Variants in ING5 observed in about 807,000 individuals in gnomAD.
The protein encoded by ING5 is inhibitor of growth family member 5, also known as inhibitor of growth protein 5.
A neutral mutation model predicts 37.4 loss-of-function variants in ING5; 17 were observed. The observed-to-expected ratio is 0.45, with a 90% CI of 0.31 to 0.68. The LOEUF is 0.68. Among genes scored for constraint, ING5 ranks in the 30% least tolerant of loss-of-function variants. ING5 has a pLI of 0.05. For synonymous variants in ING5, 123 were observed against 116.6 expected, an observed-to-expected ratio of 1.06 and a Z score of -0.36; for missense variants, 233 against 311.9, an observed-to-expected ratio of 0.75 and a Z score of 1.91.
At position 241,725,775 on chromosome 2, in the gene ING5, G is replaced by C. The variant is rs1691597440; in HGVS notation, c.*744G>C. The stretch of plus-strand genomic sequence containing the variant: ...TGATGCTCCGTTTCTCTGGGAATTG[G>C]TGATTTTTTACTGTGAAGATGAAAT... On this transcript the variant is annotated 3_prime_UTR_variant, in exon 8 of 8. Coordinates refer to ENST00000313552, the MANE Select transcript of ING5 (RefSeq NM_032329.6). 6.6e-6 allele frequency: 1 copy of C among 152,624 alleles called. No homozygotes were observed. Among genetic ancestry groups the C allele is most frequent in the Non-Finnish European group, 1.5e-5 (1 of 68,044 alleles). 9.5% of individuals were successfully genotyped at this position (152,624 alleles called of 1,614,324 possible). A position where few individuals can be genotyped will look rare whatever the true frequency, so the allele number is the denominator to read the frequency against.
chr2:241,695,945 A>G (rs796652061), intron 2 of ING5, among the ~76,000 whole-genome samples: 6 of 152,280 alleles, frequency 3.9e-5, no homozygotes, highest in African/African-American at 1.4e-4. Context: ...CTAAAAATGT[A>G]AGACAGGCTG....
Position 241,725,101 on chromosome 2 carries a change from T to A in ING5, c.*70T>A. On this transcript the variant is annotated 3_prime_UTR_variant, in exon 8 of 8. Coordinates refer to ENST00000313552, the MANE Select transcript of ING5 (RefSeq NM_032329.6). ...TTCATTCGTGTCGCAATATTTCCCT[T>A]CCTTTTAAAACTACCTTGTTCGGTT... 2.6e-6 allele frequency: 4 copies of A among 1,523,404 alleles called. No homozygotes were observed. The South Asian group carries it at 4.5e-5, about 17-fold the overall frequency. 94.4% of individuals were successfully genotyped at this position (1,523,404 alleles called of 1,614,324 possible).
upstream of ING5, among the ~76,000 whole-genome samples, chr2:241,698,496 A>T (rs1464137317): frequency 2.7e-5 from 4 of 147,422 alleles, no homozygotes; most frequent in Admixed American, 6.8e-5. Flanking sequence ...ATAATAGAGG[A>T]GTGTGTGTGT....
Position 241,727,354 on chromosome 2 carries a change from C to T in ING5, c.*2323C>T, listed in dbSNP as rs2124963281. The stretch of plus-strand genomic sequence containing the variant: ...TTTGAAACGGAGTTTTGCTCTGTCA[C>T]CCAGGCTGGAATGCAATGGCACCAT... On this transcript the variant is annotated 3_prime_UTR_variant, in exon 8 of 8. Coordinates refer to ENST00000313552, the MANE Select transcript of ING5 (RefSeq NM_032329.6). 1 of 152,322 alleles carries T rather than the reference C, an allele frequency of 6.6e-6. No individual in the cohort carries two copies. The highest frequency in any genetic ancestry group is 6.5e-5 in the Admixed American group (1 of 15,290). 9.4% of individuals were successfully genotyped at this position (152,322 alleles called of 1,614,324 possible).
intron 5 of ING5, among the ~76,000 whole-genome samples, chr2:241,718,089 C>T (rs181737864): frequency 1.5e-4 from 22 of 150,948 alleles, no homozygotes; most frequent in East Asian, 4.0e-4. Context: ...CTCCGCTCAC[C>T]GCAGCCTCTG....
At chr2:241,720,054 C>A in intron 5 of ING5, 1 of 1,241,328 alleles carries the variant, frequency 8.1e-7, no homozygotes, top group Non-Finnish European at 1.0e-6. Flanking sequence ...CTCTGACGTC[C>A]AAGGCGCCAA....
At chr2:241,722,442 G>A (rs921936119) in intron 5 of ING5, 1 of 985,252 alleles carries the variant, frequency 1.0e-6, no homozygotes, top group Non-Finnish European at 1.2e-6. Context: ...GGCCTCCTGG[G>A]GGCCCTCTGT....
intron 3 of ING5, among the ~76,000 whole-genome samples, chr2:241,710,587 C>T (rs981385886): frequency 3.9e-5 from 6 of 152,244 alleles, no homozygotes; most frequent in Admixed American, 2.0e-4. Flanking sequence ...TGGGTTCAAG[C>T]GATTCTCCGG....
intron 2 of ING5, among the ~76,000 whole-genome samples, chr2:241,705,120 T>C (rs2069863242): frequency 6.6e-6 from 1 of 152,272 alleles, no homozygotes; most frequent in South Asian, 2.1e-4. Context: ...TGTCGCCCAG[T>C]CCGGAGTGCA....
At chr2:241,723,722 G>T in intron 7 of ING5, 1 of 1,586,006 alleles carries the variant, frequency 6.3e-7, no homozygotes, top group Non-Finnish European at 8.6e-7. Context: ...AGTGGAGAAG[G>T]GTGTGTTTTC....
chr2:241,725,074 C>T lies in ING5; in HGVS notation c.*43C>T. The T allele has an allele frequency of 1.3e-6, 2 of 1,595,154 alleles. No homozygotes were observed. Among genetic ancestry groups the T allele is most frequent in the Non-Finnish European group, 1.7e-6 (2 of 1,162,716 alleles). On this transcript the variant is annotated 3_prime_UTR_variant, in exon 8 of 8. Transcript: ENST00000313552. ...GATCCGAGGAGCAAGTTAATCTGTC[C>T]CTTCATTCGTGTCGCAATATTTCCC... is the stretch of plus-strand genomic sequence containing the variant.
At chr2:241,691,366 G>A (rs1459557986) in intron 2 of ING5, among the ~76,000 whole-genome samples, 1 of 152,040 alleles carries the variant, frequency 6.6e-6, no homozygotes, top group African/African-American at 2.4e-5. Flanking sequence ...TTGAACCTGG[G>A]AGGTGGAGGT....
At chr2:241,714,626 C>G (rs766475034) in intron 5 of ING5, among the ~76,000 whole-genome samples, 1 of 150,764 alleles carries the variant, frequency 6.6e-6, no homozygotes, top group African/African-American at 2.4e-5. Context: ...AGGGCAGGGT[C>G]TAGCTGTGTC....
chr2:241,722,894 T>G, intron 5 of ING5, 45 bp from the exon 6 acceptor site: 1 of 1,609,270 alleles, frequency 6.2e-7, no homozygotes, highest in Non-Finnish European at 8.5e-7. Flanking sequence ...GCCGCCTCAC[T>G]TCCCACCATG....
chr2:241,710,815 G>C (rs2070086260), intron 3 of ING5, among the ~76,000 whole-genome samples: 1 of 152,096 alleles, frequency 6.6e-6, no homozygotes, highest in Non-Finnish European at 1.5e-5. Flanking sequence ...GTTTTGCCAT[G>C]TTGGCCAGGC....
chr2:241,692,985 G>T (rs1277247143), intron 2 of ING5, among the ~76,000 whole-genome samples: 1 of 152,146 alleles, frequency 6.6e-6, no homozygotes, highest in Non-Finnish European at 1.5e-5. Flanking sequence ...CCTTGGCCAG[G>T]TGCGTTGGCT....
chr2:241,722,035 C>A (rs1004414937), intron 5 of ING5: 1 of 985,216 alleles, frequency 1.0e-6, no homozygotes, highest in Non-Finnish European at 1.2e-6. Context: ...GGGTGGTGGG[C>A]GGTCCAGGGA....
chr2:241,704,601 A>G (rs368531906), intron 1 of ING5, 52 bp from the exon 2 acceptor site: 9 of 1,460,528 alleles, frequency 6.2e-6, no homozygotes, highest in Non-Finnish European at 8.6e-6. Context: ...TTGGAGGTGA[A>G]TTTTTGTCTT....
rs900739600 is a variant in ING5 at position 241,722,044 on chromosome 2, G to C, written c.483-895G>C. ...CTGGGTGGGTGGTGGGCGGTCCAGG[G>C]AGTGTGTGGGGAGCTGCTGGTTGAG... On this transcript the variant is annotated intron_variant, in intron 5 of 7. Transcript: ENST00000313552. The C allele has an allele frequency of 7.1e-6, 7 of 985,338 alleles. No homozygotes were observed. In the African/African-American group the frequency reaches 1.2e-4, roughly 17 times the overall value. 61.0% of individuals were successfully genotyped at this position (985,338 alleles called of 1,614,324 possible).
Sources: gnomAD v4.1 joint callset for allele counts (sites outside exome capture counted in the v4.1 genomes callset) on GRCh38, gnomAD v4.1.1 for gene constraint, MANE v1.5 for transcripts, NCBI Gene and HGNC (gene_info 2026-07-23, HGNC 2026-07-21) for gene names.